SGCD: variants seen among roughly 807,000 people sequenced by gnomAD.
SGCD encodes the protein delta-sarcoglycan.
Under a neutral mutation model 36.6 loss-of-function variants are expected in SGCD, and 18 were observed. The observed-to-expected ratio is 0.49, with a 90% CI of 0.34 to 0.73. The LOEUF is 0.73. Ranked by LOEUF, SGCD falls within the 30% of genes least tolerant of loss-of-function variation. The pLI, the probability that SGCD is intolerant of heterozygous loss-of-function variation, is 0.01. For synonymous variants in SGCD, 133 were observed against 130.6 expected, an observed-to-expected ratio of 1.02 and a Z score of -0.12; for missense variants, 387 against 346.7, an observed-to-expected ratio of 1.12 and a Z score of -0.92.
At position 156,724,610 on chromosome 5, in the gene SGCD, A is replaced by T. The variant is rs549662827; in HGVS notation, c.576-32971A>T. Among the ~76,000 whole-genome samples, 3 of 151,952 alleles carry T rather than the reference A, an allele frequency of 2.0e-5. No individual in the cohort carries two copies. In the South Asian group the frequency reaches 6.2e-4, roughly 32 times the overall value. ...TGACAGAGCGAGACTCCATCTCCAAAAAAAAAAAAGAAAGAAAATATAACT... is the reference window on the plus strand; with the variant it reads ...TGACAGAGCGAGACTCCATCTCCAATAAAAAAAAAGAAAGAAAATATAACT... On this transcript the variant is annotated intron_variant, in intron 7 of 8. Coordinates refer to ENST00000337851, the MANE Select transcript of SGCD (RefSeq NM_000337.6).
At chr5:155,858,606 G>T in the SGCD span, among the ~76,000 whole-genome samples, 19 of 152,206 alleles carry the variant, frequency 1.2e-4, no homozygotes, top group South Asian at 3.9e-3. Flanking sequence ...AAAATACATT[G>T]TTTAATGTAA....
At chr5:156,711,799 T>G (rs1382761238) in intron 7 of SGCD, among the ~76,000 whole-genome samples, 3 of 152,122 alleles carry the variant, frequency 2.0e-5, no homozygotes, top group Non-Finnish European at 4.4e-5. Context: ...AAGAAAGAAC[T>G]CAGGGCAAGT....
chr5:156,140,963 G>A (rs572974288), intron 3 of SGCD, among the ~76,000 whole-genome samples: 2 of 152,040 alleles, frequency 1.3e-5, no homozygotes, highest in African/African-American at 2.4e-5. Flanking sequence ...TAAGAGGGGG[G>A]GCCCAGGAGG....
intron 3 of SGCD, among the ~76,000 whole-genome samples, chr5:156,392,669 C>T (rs1226874162): frequency 1.3e-5 from 2 of 152,140 alleles, no homozygotes; most frequent in African/African-American, 2.4e-5. Flanking sequence ...GATCATGTGT[C>T]GGCTTGGAGA....
rs1304844907 is a variant in SGCD at position 156,359,202 on chromosome 5, T to C, written c.192+14525T>C. 2.0e-5 allele frequency among the ~76,000 whole-genome samples: 3 copies of C among 152,182 alleles called. No individual in the cohort carries two copies. The East Asian group carries it at 5.8e-4, about 29-fold the overall frequency. On this transcript the variant is annotated intron_variant, in intron 3 of 8. Coordinates refer to ENST00000337851, the MANE Select transcript of SGCD (RefSeq NM_000337.6). ...GTATGTGTTATGAAAAGGAAACTGG[T>C]TTATAACAGGTCTTTTGCTTTCTTC...
intron 1 of SGCD, among the ~76,000 whole-genome samples, chr5:155,951,448 C>G (rs1296567794): frequency 6.6e-6 from 1 of 152,046 alleles, no homozygotes; most frequent in African/African-American, 2.4e-5. Flanking sequence ...TATGTGATTT[C>G]ATTTATATAA....
At chr5:156,757,542 A>G (rs772577761) in intron 7 of SGCD, 39 bp from the exon 8 acceptor site, 12 of 1,291,892 alleles carry the variant, frequency 9.3e-6, no homozygotes, top group African/African-American at 5.9e-5. Flanking sequence ...TATTAAAAAG[A>G]AAAAGGGATC....
At chr5:156,314,905 CT>C (rs1455938205) in intron 3 of SGCD, among the ~76,000 whole-genome samples, 1 of 151,890 alleles carries the variant, frequency 6.6e-6, no homozygotes, top group African/African-American at 2.4e-5. Flanking sequence ...ACTTTTTCCC[CT>C]AGCTTCATTG....
At chr5:156,668,220 T>A (rs1753136201) in intron 7 of SGCD, among the ~76,000 whole-genome samples, 1 of 152,244 alleles carries the variant, frequency 6.6e-6, no homozygotes, top group Non-Finnish European at 1.5e-5. Flanking sequence ...AAGGTCATCC[T>A]GTTTGAATTC....
intron 3 of SGCD, among the ~76,000 whole-genome samples, chr5:156,252,269 G>T (rs1462865612): frequency 2.0e-5 from 3 of 151,762 alleles, no homozygotes; most frequent in African/African-American, 4.8e-5. Flanking sequence ...TAGAGATGGG[G>T]TTTCTCCATG....
At chr5:155,806,413 A>G in the SGCD span, among the ~76,000 whole-genome samples, 1 of 152,304 alleles carries the variant, frequency 6.6e-6, no homozygotes, top group Non-Finnish European at 1.5e-5. Flanking sequence ...TTGACCTCCC[A>G]AAGTGCTGAG....
chr5:156,297,472 G>T lies in SGCD; in HGVS notation c.-43-32062G>T, dbSNP rs574291316. Among the ~76,000 whole-genome samples, 25 of 151,960 alleles carry T rather than the reference G, an allele frequency of 1.6e-4. No homozygotes were observed. The East Asian group carries it at 4.8e-3, about 29-fold the overall frequency. On this transcript the variant is annotated intron_variant, in intron 3 of 9. Transcript: ENST00000517913. ...ACTATGCAGCCATAAAAAATGATGA[G>T]TTCATGTCCTTTGTAGGGACATGGA...
At chr5:156,109,052 G>C (rs1438561298) in intron 1 of SGCD, among the ~76,000 whole-genome samples, 1 of 152,146 alleles carries the variant, frequency 6.6e-6, no homozygotes, top group Non-Finnish European at 1.5e-5. Context: ...TGTTCATGGT[G>C]TGAGTATTCC....
intron 1 of SGCD, among the ~76,000 whole-genome samples, chr5:155,889,333 T>A (rs139697078): frequency 0.011 from 1,622 of 152,180 alleles, 13 homozygotes; most frequent in Non-Finnish European, 0.016. Context: ...GCTTTTTTGG[T>A]TATATGTTTT....
chr5:155,999,903 G>A (rs1343065698), intron 1 of SGCD, among the ~76,000 whole-genome samples: 2 of 152,152 alleles, frequency 1.3e-5, no homozygotes, highest in Non-Finnish European at 2.9e-5. Context: ...AGTACAAATG[G>A]AGGCCCACCT....
At chr5:155,748,124 T>C in the SGCD span, among the ~76,000 whole-genome samples, 10 of 147,414 alleles carry the variant, frequency 6.8e-5, no homozygotes, top group African/African-American at 2.5e-4. Flanking sequence ...CTTTTTTTTC[T>C]TTTTTTTTTG....
intron 7 of SGCD, among the ~76,000 whole-genome samples, chr5:156,669,413 G>A (rs1753197418): frequency 6.6e-6 from 1 of 152,182 alleles, no homozygotes; most frequent in Non-Finnish European, 1.5e-5. Flanking sequence ...AAGGAAATTT[G>A]AAAGACTGGT....
rs557253536 is a variant in SGCD at position 156,054,030 on chromosome 5, G to C, written c.-281-63848G>C. Among the ~76,000 whole-genome samples, 104 of 145,580 alleles carry C rather than the reference G, an allele frequency of 7.1e-4. 16 individuals are homozygous for C. The Middle Eastern group carries it at 0.025, about 36-fold the overall frequency. ...CTTAATACTATCATAGTGTGAACCA[G>C]GTTCCGATATATGAAATGAGAGGGA... On this transcript the variant is annotated intron_variant, in intron 1 of 9. Transcript: ENST00000517913.
intron 3 of SGCD, among the ~76,000 whole-genome samples, chr5:156,144,097 A>G (rs1762648328): frequency 6.6e-6 from 1 of 151,748 alleles, no homozygotes; most frequent in South Asian, 2.1e-4. Flanking sequence ...ATGGTATTCC[A>G]TGGTGTATAT....
Sources: gnomAD v4.1 joint callset for allele counts (sites outside exome capture counted in the v4.1 genomes callset) on GRCh38, gnomAD v4.1.1 for gene constraint, MANE v1.5 for transcripts, NCBI Gene and HGNC (gene_info 2026-07-23, HGNC 2026-07-21) for gene names.